TJP1: variants seen among roughly 807,000 people sequenced by gnomAD.
The protein encoded by TJP1 is tight junction protein 1.
Under a neutral mutation model 194.2 loss-of-function variants are expected in TJP1, and 43 were observed. The ratio of observed to expected loss-of-function variants is 0.22; its 90% confidence interval spans 0.17 to 0.29. The LOEUF is 0.29. Among genes scored for constraint, TJP1 ranks in the 10% least tolerant of loss-of-function variants. The probability of loss-of-function intolerance (pLI) is 1.00; values close to 1 mark genes in which losing one functional copy is unlikely to be tolerated. For synonymous variants in TJP1, 801 were observed against 779.0 expected (o/e 1.03, Z -0.47); for missense variants, 1,971 against 2,185.7 (o/e 0.90, Z 1.96).
At chr15:29,716,538 C>A in intron 23 of TJP1, 73 bp downstream of exon 23, 1 of 1,139,332 alleles carries the variant, frequency 8.8e-7, no homozygotes, top group Non-Finnish European at 1.3e-6. Context: ...AATTATTTTT[C>A]TTCAAAATAT....
chr15:29,708,407 C>G, intron 25 of TJP1, 152 bp downstream of exon 25: 1 of 680,704 alleles, frequency 1.5e-6, no homozygotes. Flanking sequence ...CCTGGAGGAC[C>G]TTCTATGTAA....
intron 1 of TJP1, among the ~76,000 whole-genome samples, chr15:29,961,738 ACACTGCTAGAACAGGTCTGGTCTG>A (rs1567239587): frequency 6.6e-6 from 1 of 152,026 alleles, no homozygotes. Flanking sequence ...TCTTCACCTG[ACACTGCTAGAACAGGTCTGGTCTG>A]CACTGCAGCC....
intron 12 of TJP1, among the ~76,000 whole-genome samples, chr15:29,733,812 T>C (rs1273753280): frequency 6.6e-6 from 1 of 152,168 alleles, no homozygotes. Flanking sequence ...TAAAACCACA[T>C]TATTTGGTCC....
chr15:29,701,846 C>G (rs757862872), intron 27 of TJP1, among the ~76,000 whole-genome samples, 157 bp from the exon 28 acceptor site: 4 of 152,236 alleles, frequency 2.6e-5, no homozygotes, highest in Admixed American at 6.5e-5. Context: ...TATTTCAAAG[C>G]AGATCTGCTG....
intron 2 of TJP1, among the ~76,000 whole-genome samples, chr15:29,797,446 G>A (rs2048487035): frequency 6.6e-6 from 1 of 151,990 alleles, no homozygotes; most frequent in African/African-American, 2.4e-5. Flanking sequence ...CACTACACCT[G>A]GCCAGAGCTT....
intron 24 of TJP1, among the ~76,000 whole-genome samples, chr15:29,709,714 G>A (rs530561434): frequency 1.2e-3 from 185 of 152,266 alleles, no homozygotes; most frequent in Non-Finnish European, 1.9e-3. Context: ...GGACATCTAC[G>A]AAAATCCTAG....
At chr15:29,731,721 C>T (rs932279652) in intron 15 of TJP1, among the ~76,000 whole-genome samples, 5 of 151,380 alleles carry the variant, frequency 3.3e-5, no homozygotes, top group African/African-American at 9.7e-5. Context: ...ATACTGTTAA[C>T]GATTGTCTGC....
At chr15:29,795,517 ACT>A (rs1432508725) in intron 2 of TJP1, among the ~76,000 whole-genome samples, 1 of 152,018 alleles carries the variant, frequency 6.6e-6, no homozygotes, top group African/African-American at 2.4e-5. Flanking sequence ...AATTAAAGAA[ACT>A]GAATTTGTAA....
At chr15:29,887,246 T>C (rs758687534) in intron 2 of TJP1, among the ~76,000 whole-genome samples, 6 of 147,704 alleles carry the variant, frequency 4.1e-5, no homozygotes, top group Non-Finnish European at 7.4e-5. Context: ...TAGAAAAATA[T>C]ATTGTATATA....
intron 2 of TJP1, among the ~76,000 whole-genome samples, chr15:29,797,259 C>A (rs543350532): frequency 6.6e-6 from 1 of 152,304 alleles, no homozygotes; most frequent in East Asian, 1.9e-4. Context: ...AAGCGATTCT[C>A]CTGCCTCAGC....
chr15:29,846,172 C>T (rs2051401133), intron 2 of TJP1, among the ~76,000 whole-genome samples: 1 of 152,180 alleles, frequency 6.6e-6, no homozygotes, highest in Non-Finnish European at 1.5e-5. Flanking sequence ...TCACCATAAC[C>T]TCTCCTGCTT....
chr15:29,718,026 C>A lies in TJP1; in HGVS notation c.3969G>T (p.Leu1323=). 1 of 1,608,280 alleles carries A rather than the reference C, an allele frequency of 6.2e-7. No homozygotes were observed. The highest frequency in any genetic ancestry group is 8.5e-7 in the Non-Finnish European group (1 of 1,178,772). ...QNQFSEHDKT[L]YRIPEPQKPQ... Reference sequence around the variant, plus strand: ...AGAGCACAAAGTGTACTCACCTGTACAGAGTTTTGTCATGTTCACTGAATT... The same window carrying A: ...AGAGCACAAAGTGTACTCACCTGTAAAGAGTTTTGTCATGTTCACTGAATT... Residue 1323 remains leucine (L), a synonymous_variant, in exon 22 of 28, where the codon CTG becomes CTT. Transcript: ENST00000614355.
intron 1 of TJP1, among the ~76,000 whole-genome samples, chr15:29,964,851 A>G (rs570036884): frequency 6.6e-6 from 1 of 152,340 alleles, no homozygotes; most frequent in South Asian, 2.1e-4. Context: ...AATTTCTTGA[A>G]GAAGGGGATG....
chr15:29,734,975 T>G (rs1040772215), intron 11 of TJP1, among the ~76,000 whole-genome samples: 1 of 152,046 alleles, frequency 6.6e-6, no homozygotes, highest in Admixed American at 6.6e-5. Context: ...AGGTAACTTT[T>G]TACAAGTTGC....
At chr15:29,961,043 T>A (rs1184137375) in intron 1 of TJP1, among the ~76,000 whole-genome samples, 1 of 152,194 alleles carries the variant, frequency 6.6e-6, no homozygotes, top group Non-Finnish European at 1.5e-5. Context: ...GTTTCATTGT[T>A]TTCTGGACAC....
At chr15:29,835,511 T>C (rs1335596098) in intron 2 of TJP1, among the ~76,000 whole-genome samples, 2 of 152,144 alleles carry the variant, frequency 1.3e-5, no homozygotes, top group South Asian at 2.1e-4. Flanking sequence ...GTGCCTAAAA[T>C]AGCACAAAAT....
chr15:29,946,780 G>T (rs769544816), intron 2 of TJP1, among the ~76,000 whole-genome samples: 1 of 152,142 alleles, frequency 6.6e-6, no homozygotes, highest in Non-Finnish European at 1.5e-5. Flanking sequence ...TTAACATTAT[G>T]CCAGGTATTA....
intron 2 of TJP1, among the ~76,000 whole-genome samples, chr15:29,944,458 G>A (rs1048845868): frequency 6.6e-6 from 1 of 152,106 alleles, no homozygotes; most frequent in East Asian, 1.9e-4. Flanking sequence ...TTGGTGGGGG[G>A]ACGGGGACGG....
chr15:29,717,014 A>G (rs894109757), intron 22 of TJP1, among the ~76,000 whole-genome samples, 176 bp from the exon 23 acceptor site: 5 of 152,244 alleles, frequency 3.3e-5, no homozygotes, highest in Admixed American at 6.5e-5. Flanking sequence ...ATGTCCTCAC[A>G]GAGTATACTC....
Sources: allele counts gnomAD v4.1 joint callset (sites outside exome capture counted in the v4.1 genomes callset), GRCh38; gene constraint gnomAD v4.1.1; transcripts MANE v1.5; gene names NCBI Gene and HGNC (gene_info 2026-07-23, HGNC 2026-07-21).